The following CDH4 variants were observed in gnomAD, a reference collection of about 807,000 sequenced individuals.
CDH4 encodes cadherin 4, also known as cadherin-4.
Under a neutral mutation model 86.0 loss-of-function variants are expected in CDH4, and 33 were observed. That is an observed-to-expected ratio of 0.38 (90% CI 0.29 to 0.51). The LOEUF is 0.51. CDH4 is among the 20% of genes least tolerant of loss of function. The pLI, the probability that CDH4 is intolerant of heterozygous loss-of-function variation, is 0.86. For synonymous variants in CDH4, 555 were observed against 549.4 expected (o/e 1.01, Z -0.14); for missense variants, 1,114 against 1,307.4 (o/e 0.85, Z 2.28).
chr20:61,712,755 C>G (rs551948380), intron 2 of CDH4, among the ~76,000 whole-genome samples: 1 of 152,282 alleles, frequency 6.6e-6, no homozygotes, highest in African/African-American at 2.4e-5. Context: ...AGGGGCAGCC[C>G]CCATCACGGA....
At chr20:61,638,058 A>T (rs2086967682) in intron 2 of CDH4, among the ~76,000 whole-genome samples, 1 of 148,520 alleles carries the variant, frequency 6.7e-6, no homozygotes, top group African/African-American at 2.5e-5. Flanking sequence ...AGGAGAGGAG[A>T]AGAGTCGGGG....
intron 2 of CDH4, among the ~76,000 whole-genome samples, chr20:61,680,159 C>T (rs146278323): frequency 0.02 from 3,056 of 152,328 alleles, 41 homozygotes; most frequent in Non-Finnish European, 0.03. Context: ...AGCACCACCT[C>T]CCCAGGACCA....
At position 61,902,823 on chromosome 20, in the gene CDH4, C is replaced by T. The variant is rs945459319; in HGVS notation, c.1189-7599C>T. Among the ~76,000 whole-genome samples the T allele has an allele frequency of 6.6e-6, 1 of 152,104 alleles. No homozygotes were observed. The highest frequency in any genetic ancestry group is 1.5e-5 in the Non-Finnish European group (1 of 68,016). On this transcript the variant is annotated intron_variant, in intron 8 of 15. Transcript: ENST00000614565. The surrounding 1 kb of genome is among the most constrained non-coding windows in gnomAD (Gnocchi z 4.6). ...TGCAGACGTCTAAGTATGAGGTCAG[C>T]GCCTCGTCACCACCTGTCTCAGAGA...
intron 2 of CDH4, among the ~76,000 whole-genome samples, chr20:61,479,921 A>G (rs1375874712): frequency 6.6e-6 from 1 of 151,998 alleles, no homozygotes; most frequent in Non-Finnish European, 1.5e-5. Context: ...CATTTTAGAT[A>G]CTTTATCTTC....
intron 2 of CDH4, among the ~76,000 whole-genome samples, chr20:61,654,207 G>C (rs1038002266): frequency 6.6e-6 from 1 of 152,214 alleles, no homozygotes; most frequent in African/African-American, 2.4e-5. Flanking sequence ...CAGATCACTC[G>C]CGGTTAGGAG....
chr20:61,534,406 A>G (rs6061614), intron 2 of CDH4, among the ~76,000 whole-genome samples: 3,918 of 152,270 alleles, frequency 0.026, 170 homozygotes, highest in African/African-American at 0.09. Flanking sequence ...TTCCATGACT[A>G]TGCAACTCGT....
intron 2 of CDH4, among the ~76,000 whole-genome samples, chr20:61,575,381 G>A (rs141114537): frequency 9.2e-5 from 14 of 152,300 alleles, no homozygotes; most frequent in African/African-American, 1.9e-4. Flanking sequence ...CCAGTTTTAT[G>A]GCAGACACCA....
intron 2 of CDH4, among the ~76,000 whole-genome samples, chr20:61,503,080 T>C (rs1269083883): frequency 6.6e-6 from 1 of 152,192 alleles, no homozygotes; most frequent in Non-Finnish European, 1.5e-5. Context: ...CTGTGCTGGG[T>C]ACTCCTCCCA....
intron 2 of CDH4, among the ~76,000 whole-genome samples, chr20:61,558,515 C>A (rs2145683349): frequency 6.6e-6 from 1 of 152,324 alleles, no homozygotes; most frequent in South Asian, 2.1e-4. Context: ...TCCCTAGAGC[C>A]CACACTGGCC....
intron 2 of CDH4, among the ~76,000 whole-genome samples, chr20:61,345,783 G>A (rs2084676051): frequency 1.3e-5 from 2 of 152,198 alleles, no homozygotes; most frequent in Admixed American, 6.5e-5. Flanking sequence ...AGGGCTCTTT[G>A]TGCTTCCAGG....
chr20:61,892,370 A>G (rs1984862159), intron 7 of CDH4, among the ~76,000 whole-genome samples: 1 of 152,210 alleles, frequency 6.6e-6, no homozygotes, highest in African/African-American at 2.4e-5. Context: ...CTGGAGACAC[A>G]GTGGGTGATG....
At chr20:61,878,859 TC>T (rs997835907) in intron 7 of CDH4, among the ~76,000 whole-genome samples, 12 of 152,132 alleles carry the variant, frequency 7.9e-5, no homozygotes, top group African/African-American at 2.9e-4. Flanking sequence ...TGCCAAAGAC[TC>T]GGCGGGGGTG....
At chr20:61,786,201 A>C (rs535955504) in intron 4 of CDH4, among the ~76,000 whole-genome samples, 3 of 152,090 alleles carry the variant, frequency 2.0e-5, no homozygotes, top group African/African-American at 7.2e-5. Flanking sequence ...ACAGCGTGGC[A>C]CTTCCATTGG....
intron 2 of CDH4, among the ~76,000 whole-genome samples, chr20:61,531,354 C>T (rs969262759): frequency 1.3e-5 from 2 of 151,896 alleles, no homozygotes; most frequent in African/African-American, 4.8e-5. Context: ...TGCCTGTAAT[C>T]CCAGGTACTC....
At chr20:61,492,115 G>T (rs931804807) in intron 2 of CDH4, among the ~76,000 whole-genome samples, 3 of 151,438 alleles carry the variant, frequency 2.0e-5, no homozygotes, top group Admixed American at 2.0e-4. Context: ...GATGTTGGTG[G>T]TGTCGATATT....
intron 2 of CDH4, among the ~76,000 whole-genome samples, chr20:61,335,898 TC>T (rs1285822277): frequency 6.6e-6 from 1 of 152,196 alleles, no homozygotes; most frequent in Non-Finnish European, 1.5e-5. Context: ...ATCAGAATCA[TC>T]CAGGTTGACG....
intron 4 of CDH4, among the ~76,000 whole-genome samples, chr20:61,825,206 G>A (rs576527440): frequency 1.4e-4 from 21 of 152,160 alleles, no homozygotes; most frequent in African/African-American, 4.6e-4. Flanking sequence ...CCAGGAGTTC[G>A]AGACCAGCTG....
At chr20:61,745,653 C>G (rs536612574) in intron 3 of CDH4, among the ~76,000 whole-genome samples, 69 of 152,228 alleles carry the variant, frequency 4.5e-4, no homozygotes, top group African/African-American at 1.6e-3. Context: ...AAGCCACGCC[C>G]TGGTGAGCAA....
chr20:61,373,992 T>G (rs1162949320), intron 2 of CDH4, among the ~76,000 whole-genome samples: 1 of 151,808 alleles, frequency 6.6e-6, no homozygotes, highest in African/African-American at 2.4e-5. Context: ...AGAGGTGGGG[T>G]GTGGCTGGCA....
Sources: gnomAD v4.1 joint callset for allele counts (sites outside exome capture counted in the v4.1 genomes callset) on GRCh38, gnomAD v4.1.1 for gene constraint, Gnocchi (gnomAD v3.1) non-coding constraint, MANE v1.5 for transcripts, NCBI Gene and HGNC (gene_info 2026-07-23, HGNC 2026-07-21) for gene names.